SRPK2: variants seen among roughly 807,000 people sequenced by gnomAD.
The protein encoded by SRPK2 is SFRS protein kinase 2.
SRPK2 carries 21 observed loss-of-function variants against 90.8 expected under a neutral mutation model. That is an observed-to-expected ratio of 0.23 (90% CI 0.16 to 0.33). SRPK2 has a LOEUF of 0.33. SRPK2 is among the 10% of genes least tolerant of loss of function. The pLI is 1.00. For synonymous variants in SRPK2, 288 were observed against 311.1 expected (o/e 0.93, Z 0.78); for missense variants, 620 against 869.0 (o/e 0.71, Z 3.60).
chr7:105,140,150 GAC>G (rs745900949), intron 11 of SRPK2, among the ~76,000 whole-genome samples: 7 of 152,220 alleles, frequency 4.6e-5, no homozygotes, highest in East Asian at 1.9e-4. Context: ...GTTCAATAAA[GAC>G]ACAGTTTTTT....
At chr7:105,139,351 GGGACCCCTACTT>G (rs1474815832) in intron 11 of SRPK2, among the ~76,000 whole-genome samples, 1 of 152,278 alleles carries the variant, frequency 6.6e-6, no homozygotes, top group East Asian at 1.9e-4. Context: ...CAAGGCAAGG[GGGACCCCTACTT>G]AGGAGGTATG....
intron 1 of SRPK2, among the ~76,000 whole-genome samples, chr7:105,396,794 GAGAAAGAGAA>G (rs1305585608): frequency 7.2e-5 from 8 of 111,186 alleles, no homozygotes; most frequent in Non-Finnish European, 1.4e-4. Flanking sequence ...AAGAAAGAAA[GAGAAAGAGAA>G]AGAAAGAAAG....
intron 3 of SRPK2, among the ~76,000 whole-genome samples, chr7:105,179,824 C>CAAAAAAAAAAAAAAAAAAAAAAAAAAA (rs1185836588): frequency 3.3e-5 from 2 of 60,266 alleles, no homozygotes; most frequent in Non-Finnish European, 5.7e-5. Context: ...GAGTCCATCT[C>CAAAAAAAAAAAAAAAAAAAAAAAAAAA]AAAAAAAAAA....
At chr7:105,181,459 G>A (rs1488825158) in intron 3 of SRPK2, among the ~76,000 whole-genome samples, 6 of 152,248 alleles carry the variant, frequency 3.9e-5, no homozygotes, top group African/African-American at 1.4e-4. Flanking sequence ...ACAAAGGCAT[G>A]GAAGCAATGC....
At chr7:105,177,851 T>C (rs546501358) in intron 3 of SRPK2, among the ~76,000 whole-genome samples, 42 of 151,918 alleles carry the variant, frequency 2.8e-4, no homozygotes, top group African/African-American at 9.2e-4. Flanking sequence ...TGAAACCTCA[T>C]CTCTACTAAA....
chr7:105,166,524 G>A (rs1790090197), intron 6 of SRPK2, among the ~76,000 whole-genome samples: 1 of 152,140 alleles, frequency 6.6e-6, no homozygotes, highest in Non-Finnish European at 1.5e-5. Flanking sequence ...AAGATAGATG[G>A]ATCAATTATG....
intron 2 of SRPK2, among the ~76,000 whole-genome samples, chr7:105,320,897 C>G (rs186030448): frequency 6.6e-6 from 1 of 152,292 alleles, no homozygotes; most frequent in East Asian, 1.9e-4. Context: ...GCGGTGTGAT[C>G]ATAGCTCACT....
At chr7:105,280,334 G>A (rs895435907) in intron 2 of SRPK2, among the ~76,000 whole-genome samples, 1 of 151,610 alleles carries the variant, frequency 6.6e-6, no homozygotes, top group African/African-American at 2.4e-5. Context: ...AGAATCGCTT[G>A]AACCTGGGAG....
At chr7:105,362,472 AC>A (rs1219394072) in intron 2 of SRPK2, among the ~76,000 whole-genome samples, 1 of 149,956 alleles carries the variant, frequency 6.7e-6, no homozygotes, top group Non-Finnish European at 1.5e-5. Context: ...AGCTGAGATC[AC>A]GCCACTGCAC....
In SRPK2 at chr7:105,318,486, G is replaced by T. The variant is rs1223940168; in HGVS notation, c.71+70162C>A. On this transcript the variant is annotated intron_variant, in intron 2 of 15. Transcript: ENST00000393651. The stretch of plus-strand genomic sequence containing the variant: ...AAGCAAGTACCAATTGATATAAACT[G>T]CATTAAAAGGCTCTTTGGGCTCCTA... Among the ~76,000 whole-genome samples the T allele has an allele frequency of 3.9e-5, 6 of 152,320 alleles. No homozygotes were observed. In the East Asian group the frequency reaches 7.7e-4, roughly 20 times the overall value.
chr7:105,167,089 A>G (rs1323052028), intron 6 of SRPK2, among the ~76,000 whole-genome samples: 1 of 151,340 alleles, frequency 6.6e-6, no homozygotes, highest in Non-Finnish European at 1.5e-5. Flanking sequence ...TTTATCTACC[A>G]CCACAAAAAA....
At chr7:105,169,869 G>T (rs561180240) in intron 3 of SRPK2, among the ~76,000 whole-genome samples, 170 of 152,288 alleles carry the variant, frequency 1.1e-3, no homozygotes, top group Non-Finnish European at 2.1e-3. Flanking sequence ...AGACTGGAGT[G>T]CAATGGCATG....
chr7:105,182,496 G>A (rs1379072934), intron 3 of SRPK2, among the ~76,000 whole-genome samples: 4 of 134,716 alleles, frequency 3.0e-5, no homozygotes, highest in Non-Finnish European at 6.2e-5. Context: ...CTGCTGCCCA[G>A]ACTGAAGTGC....
chr7:105,176,997 G>T (rs1415829313), intron 3 of SRPK2, among the ~76,000 whole-genome samples: 2 of 151,978 alleles, frequency 1.3e-5, no homozygotes, highest in African/African-American at 4.8e-5. Context: ...CTTTTCTAAT[G>T]GACTGTCATT....
chr7:105,271,386 C>T (rs998980207), intron 2 of SRPK2, among the ~76,000 whole-genome samples: 1 of 152,204 alleles, frequency 6.6e-6, no homozygotes, highest in African/African-American at 2.4e-5. Flanking sequence ...TTTCCAACTT[C>T]ATTTTCACCT....
In SRPK2 at chr7:105,117,530, G is replaced by GAA; in HGVS notation, c.*306_*307dup. On this transcript the variant is annotated 3_prime_UTR_variant, in exon 16 of 16. Coordinates refer to ENST00000393651, the MANE Select transcript of SRPK2 (RefSeq NM_182692.3). ...ACAAAACCTGCCAAAACACAAAGGGGAAAGTATTTTTCATTCAAAAAAATG... is the reference window on the plus strand; with the variant it reads ...ACAAAACCTGCCAAAACACAAAGGGGAAAAAGTATTTTTCATTCAAAAAAATG... The GAA allele has an allele frequency of 3.3e-6, 1 of 299,286 alleles. No individual in the cohort carries two copies. Among genetic ancestry groups the GAA allele is most frequent in the Non-Finnish European group, 6.2e-6 (1 of 162,520 alleles). The allele number at this position is 299,286 out of a possible 1,614,324, so 18.5% of individuals were successfully genotyped here.
At chr7:105,374,922 T>C (rs1820118542) in intron 2 of SRPK2, among the ~76,000 whole-genome samples, 1 of 152,094 alleles carries the variant, frequency 6.6e-6, no homozygotes, top group Admixed American at 6.6e-5. Flanking sequence ...ATGAAAAATA[T>C]TTATAACAAA....
chr7:105,222,928 T>TTATC (rs1420945066), intron 2 of SRPK2, among the ~76,000 whole-genome samples: 1 of 152,236 alleles, frequency 6.6e-6, no homozygotes, highest in African/African-American at 2.4e-5. Flanking sequence ...GAATCAGGCA[T>TTATC]TATCTATTTG....
intron 2 of SRPK2, among the ~76,000 whole-genome samples, chr7:105,235,721 A>G (rs1800047032): frequency 6.6e-6 from 1 of 151,936 alleles, no homozygotes; most frequent in African/African-American, 2.4e-5. Flanking sequence ...CAGGTGTTAA[A>G]ATATCTTTAA....
Sources: gnomAD v4.1 joint callset for allele counts (sites outside exome capture counted in the v4.1 genomes callset) on GRCh38, gnomAD v4.1.1 for gene constraint, MANE v1.5 for transcripts, NCBI Gene and HGNC (gene_info 2026-07-23, HGNC 2026-07-21) for gene names.